Variants in NEMP2 observed in about 807,000 individuals in gnomAD.
NEMP2 encodes the protein UPF0571 transmembrane protein.
In NEMP2, 53 loss-of-function variants were observed where a neutral mutation model predicts 54.2. That is an observed-to-expected ratio of 0.98 (90% CI 0.78 to 1.23). The LOEUF (loss-of-function observed/expected upper bound fraction) is 1.23, where lower values mean the gene tolerates loss of function less well. NEMP2 is among the 50% of genes most tolerant of loss of function. NEMP2 has a pLI of 0.00. For missense variants in NEMP2, 455 were observed against 511.3 expected (o/e 0.89, Z 1.06); for synonymous variants, 197 against 190.3 (o/e 1.04, Z -0.29).
chr2:190,572,130 G>A, the NEMP2 span, among the ~76,000 whole-genome samples: 1 of 152,032 alleles, frequency 6.6e-6, no homozygotes, highest in African/African-American at 2.4e-5. Flanking sequence ...AATAGAGAAG[G>A]TCTGTTTTCC....
At chr2:190,578,238 G>A in the NEMP2 span, among the ~76,000 whole-genome samples, 2 of 152,220 alleles carry the variant, frequency 1.3e-5, no homozygotes, top group Non-Finnish European at 2.9e-5. This position sits in a 1 kb window ranked among gnomAD's most constrained non-coding sequence, Gnocchi z 4.4. Flanking sequence ...AGAAATGATG[G>A]TGACTATTGC....
the NEMP2 span, among the ~76,000 whole-genome samples, chr2:190,628,970 A>T: frequency 6.6e-6 from 1 of 152,212 alleles, no homozygotes; most frequent in Non-Finnish European, 1.5e-5. The surrounding 1 kb of genome is among the most constrained non-coding windows in gnomAD (Gnocchi z 4.1). Flanking sequence ...GAGTTTAACT[A>T]TCCAAAATCT....
At chr2:190,458,424 G>T in the NEMP2 span, among the ~76,000 whole-genome samples, 1 of 151,882 alleles carries the variant, frequency 6.6e-6, no homozygotes, top group Admixed American at 6.6e-5. The surrounding 1 kb of genome is among the most constrained non-coding windows in gnomAD (Gnocchi z 5.3). Context: ...AACGAGAGGG[G>T]CCCTGGAGAA....
chr2:190,448,986 A>G, the NEMP2 span, among the ~76,000 whole-genome samples: 42 of 152,358 alleles, frequency 2.8e-4, no homozygotes, highest in African/African-American at 9.1e-4. Context: ...TTATAGCTGT[A>G]TATGTTTTAA....
At chr2:190,583,756 TG>T in the NEMP2 span, among the ~76,000 whole-genome samples, 1 of 152,238 alleles carries the variant, frequency 6.6e-6, no homozygotes, top group Non-Finnish European at 1.5e-5. Context: ...GTTGGACTGT[TG>T]TGTTTTCACG....
chr2:190,499,820 C>A, downstream of NEMP2: 2 of 1,533,964 alleles, frequency 1.3e-6, no homozygotes, highest in Non-Finnish European at 1.8e-6. This position sits in a 1 kb window ranked among gnomAD's most constrained non-coding sequence, Gnocchi z 6.0. Context: ...GTTTTTCATG[C>A]GGCTCTGGCA....
upstream of NEMP2, among the ~76,000 whole-genome samples, chr2:190,537,389 G>T (rs886803329): frequency 6.6e-6 from 1 of 152,138 alleles, no homozygotes; most frequent in African/African-American, 2.4e-5. Context: ...CTGAATCATG[G>T]GGGTTATTCT....
chr2:190,554,570 C>T, the NEMP2 span, among the ~76,000 whole-genome samples: 1 of 152,236 alleles, frequency 6.6e-6, no homozygotes, highest in African/African-American at 2.4e-5. This position sits in a 1 kb window ranked among gnomAD's most constrained non-coding sequence, Gnocchi z 5.7. Flanking sequence ...CCCACTGCAG[C>T]TCAGCAAGGC....
chr2:190,436,577 C>G, the NEMP2 span: 1 of 1,614,236 alleles, frequency 6.2e-7, no homozygotes, highest in Non-Finnish European at 8.5e-7. The surrounding 1 kb of genome is among the most constrained non-coding windows in gnomAD (Gnocchi z 5.3). Flanking sequence ...CCAACAAATT[C>G]TTCCTTTACC....
chr2:190,461,845 A>AT, the NEMP2 span, among the ~76,000 whole-genome samples: 15 of 149,924 alleles, frequency 1.0e-4, no homozygotes, highest in South Asian at 8.5e-4. This position sits in a 1 kb window ranked among gnomAD's most constrained non-coding sequence, Gnocchi z 5.5. Flanking sequence ...ACCAGTTTTA[A>AT]TTTTTTTTTT....
the NEMP2 span, among the ~76,000 whole-genome samples, chr2:190,542,180 C>T: frequency 6.6e-6 from 1 of 152,166 alleles, no homozygotes; most frequent in African/African-American, 2.4e-5. The surrounding 1 kb of genome is among the most constrained non-coding windows in gnomAD (Gnocchi z 4.6). Context: ...CTTGCTCTTG[C>T]CCAACTCCCT....
the NEMP2 span, among the ~76,000 whole-genome samples, chr2:190,456,668 C>A: frequency 6.6e-6 from 1 of 152,188 alleles, no homozygotes; most frequent in East Asian, 1.9e-4. The surrounding 1 kb of genome is among the most constrained non-coding windows in gnomAD (Gnocchi z 5.4). Context: ...CCATCCCTGA[C>A]AAGGCAAGCA....
chr2:190,502,812 G>T (rs534465723), downstream of NEMP2, among the ~76,000 whole-genome samples: 3 of 152,310 alleles, frequency 2.0e-5, no homozygotes, highest in East Asian at 5.8e-4. The surrounding 1 kb of genome is among the most constrained non-coding windows in gnomAD (Gnocchi z 4.4). Context: ...GTGCTGATGA[G>T]ATTATCATTT....
the NEMP2 span, among the ~76,000 whole-genome samples, chr2:190,571,639 G>T: frequency 6.6e-6 from 1 of 152,104 alleles, no homozygotes; most frequent in African/African-American, 2.4e-5. Flanking sequence ...TTCCAGGTAT[G>T]CAGTATTTTC....
chr2:190,466,010 A>G, the NEMP2 span, among the ~76,000 whole-genome samples: 1 of 152,182 alleles, frequency 6.6e-6, no homozygotes, highest in Non-Finnish European at 1.5e-5. Context: ...TCTGGAGGCA[A>G]AAAGTCCGAG....
At chr2:190,436,537 A>T in the NEMP2 span, 1 of 1,614,186 alleles carries the variant, frequency 6.2e-7, no homozygotes, top group Non-Finnish European at 8.5e-7. The surrounding 1 kb of genome is among the most constrained non-coding windows in gnomAD (Gnocchi z 5.3). Flanking sequence ...AACTCACCCC[A>T]CCAATGCAAG....
chr2:190,523,763 G>C lies in NEMP2; in HGVS notation c.213+1500C>G. 6.6e-6 allele frequency among the ~76,000 whole-genome samples: 1 copy of C among 152,122 alleles called. No individual in the cohort carries two copies. Among genetic ancestry groups the C allele is most frequent in the South Asian group, 2.1e-4 (1 of 4,830 alleles). The stretch of plus-strand genomic sequence containing the variant: ...AAGGGGCCCTGACTGGCTAAATCTA[G>C]GACAATTTGAGTATCAAAATAAATA... On this transcript the variant is annotated intron_variant, in intron 2 of 8. Coordinates refer to ENST00000409150, the MANE Select transcript of NEMP2 (RefSeq NM_001142645.2). This position sits in a 1 kb window ranked among gnomAD's most constrained non-coding sequence, Gnocchi z 5.3.
chr2:190,648,002 T>A, the NEMP2 span, among the ~76,000 whole-genome samples: 1 of 152,186 alleles, frequency 6.6e-6, no homozygotes, highest in Non-Finnish European at 1.5e-5. Context: ...GCGTGAGCCC[T>A]GGCCAGCCTA....
At chr2:190,499,707 G>C, downstream of NEMP2, 1 of 1,036,938 alleles carries the variant, frequency 9.6e-7, no homozygotes, top group East Asian at 5.2e-5. This position sits in a 1 kb window ranked among gnomAD's most constrained non-coding sequence, Gnocchi z 6.0. Flanking sequence ...GGCTTGGGGG[G>C]CTCAGTAAAT....
Sources: gnomAD v4.1 joint callset for allele counts (sites outside exome capture counted in the v4.1 genomes callset) on GRCh38, gnomAD v4.1.1 for gene constraint, Gnocchi (gnomAD v3.1) non-coding constraint, MANE v1.5 for transcripts, NCBI Gene and HGNC (gene_info 2026-07-23, HGNC 2026-07-21) for gene names.